Variants in MAP2K5 observed in about 807,000 individuals in gnomAD.
MAP2K5 encodes the protein dual specificity mitogen-activated protein kinase kinase 5.
MAP2K5 carries 49 observed loss-of-function variants against 83.1 expected under a neutral mutation model. The ratio of observed to expected loss-of-function variants is 0.59; its 90% CI spans 0.47 to 0.75. The LOEUF is 0.75. Ranked by LOEUF, MAP2K5 falls within the 30% of genes least tolerant of loss-of-function variation. MAP2K5 has a pLI of 0.00. For missense variants in MAP2K5, 457 were observed against 557.5 expected, an observed-to-expected ratio of 0.82 and a Z score of 1.82; for synonymous variants, 202 against 191.8, an observed-to-expected ratio of 1.05 and a Z score of -0.44.
intron 2 of MAP2K5, among the ~76,000 whole-genome samples, chr15:67,560,916 T>G (rs2084722541): frequency 6.6e-6 from 1 of 152,184 alleles, no homozygotes; most frequent in Non-Finnish European, 1.5e-5. Flanking sequence ...CCCCCCCTTT[T>G]TTTAAATAAA....
rs928124233 is a variant in MAP2K5, at chr15:67,722,440, G to A, written c.1045-5476G>A. Reference sequence around the variant, plus strand: ...GACGCTTTGTGTTTCTGTGTTCTTTGTTGTCAGTTTAACCTCCAAAGCACT... The same window carrying A: ...GACGCTTTGTGTTTCTGTGTTCTTTATTGTCAGTTTAACCTCCAAAGCACT... On this transcript the variant is annotated intron_variant, in intron 16 of 21. Transcript: ENST00000178640. The surrounding 1 kb of genome is among the most constrained non-coding windows in gnomAD (Gnocchi z 4.2). Among the ~76,000 whole-genome samples the A allele has an allele frequency of 1.4e-5, 2 of 147,800 alleles. No homozygotes were observed. The highest frequency in any genetic ancestry group is 5.0e-5 in the African/African-American group (2 of 39,992).
rs2089680872 is a variant in MAP2K5 at position 67,749,818 on chromosome 15, A to G, written c.1134+1217A>G. Among the ~76,000 whole-genome samples the G allele has an allele frequency of 6.6e-6, 1 of 152,188 alleles. No homozygotes were observed. The highest frequency in any genetic ancestry group is 1.5e-5 in the Non-Finnish European group (1 of 68,024). On this transcript the variant is annotated intron_variant, in intron 19 of 21. Transcript: ENST00000178640. The surrounding 1 kb of genome is among the most constrained non-coding windows in gnomAD (Gnocchi z 4.6). ...TAGATTCCAAAAGCCTACTATCCCC[A>G]TCAGAATCCTCCCAATTTAACTGGT...
chr15:67,704,617 C>A (rs1241487229), intron 16 of MAP2K5, among the ~76,000 whole-genome samples: 1 of 152,170 alleles, frequency 6.6e-6, no homozygotes, highest in Non-Finnish European at 1.5e-5. Flanking sequence ...TCATATTCTT[C>A]TGCTTCTTCT....
At chr15:67,653,612 T>G (rs2087001764) in intron 11 of MAP2K5, among the ~76,000 whole-genome samples, 1 of 152,180 alleles carries the variant, frequency 6.6e-6, no homozygotes, top group Non-Finnish European at 1.5e-5. Flanking sequence ...AATTTTTTCA[T>G]TTAAAATGAA....
chr15:67,797,050 C>T (rs868114367), intron 21 of MAP2K5, among the ~76,000 whole-genome samples: 1 of 152,204 alleles, frequency 6.6e-6, no homozygotes, highest in African/African-American at 2.4e-5. Flanking sequence ...CTGCTAAAAT[C>T]AGAACTCTTA....
chr15:67,676,333 T>C lies in MAP2K5; in HGVS notation c.847+11688T>C, dbSNP rs1434167226. Among the ~76,000 whole-genome samples the C allele has an allele frequency of 6.6e-6, 1 of 152,222 alleles. No homozygotes were observed. Among genetic ancestry groups the C allele is most frequent in the Non-Finnish European group, 1.5e-5 (1 of 68,040 alleles). On this transcript the variant is annotated intron_variant, in intron 13 of 21. Coordinates refer to ENST00000178640, the MANE Select transcript of MAP2K5 (RefSeq NM_145160.3). The surrounding 1 kb of genome is among the most constrained non-coding windows in gnomAD (Gnocchi z 4.8). ...GTTGGATGAATACATTGAATCATAA[T>C]TTTCTGAGGGCAGTGTTTTTCTCCT...
rs748041362 is a variant in MAP2K5 at position 67,563,339 on chromosome 15, A to G, written c.241A>G (p.Met81Val). Reference sequence around the variant, plus strand: ...GAGAAGTGATGAGGAAATGAAGGCAATGCTGTCATATGTAAGTATACGACA... The same window carrying G: ...GAGAAGTGATGAGGAAATGAAGGCAGTGCTGTCATATGTAAGTATACGACA... ...TVRSDEEMKA[M>V]LSYYYSTVME... The change falls in exon 3 of 22, where the codon ATG becomes GTG. Residue 81 changes from methionine to valine, a missense_variant. Physicochemically the swap from Met to Val is conservative, Grantham distance 21 (BLOSUM62 1). Transcript: ENST00000178640. The surrounding 1 kb of genome is among the most constrained non-coding windows in gnomAD (Gnocchi z 4.5). 2.5e-6 allele frequency: 4 copies of G among 1,610,884 alleles called. No individual in the cohort carries two copies. The highest frequency in any genetic ancestry group is 1.7e-5 in the Admixed American group (1 of 59,346).
At chr15:67,658,750 G>A (rs1596738610) in intron 12 of MAP2K5, 136 bp downstream of exon 12, 1 of 743,478 alleles carries the variant, frequency 1.3e-6, no homozygotes. Context: ...ATTTTCTCCT[G>A]TTTTGTTCTT....
chr15:67,679,880 TAGTAAGTTTATAA>T (rs1036836453), intron 13 of MAP2K5: 1 of 152,216 alleles, frequency 6.6e-6, no homozygotes, highest in Non-Finnish European at 1.5e-5. Flanking sequence ...CAGTGATTTT[TAGTAAGTTTATAA>T]AGTTGTGCAA....
intron 17 of MAP2K5, among the ~76,000 whole-genome samples, chr15:67,731,944 T>C (rs2089232771): frequency 6.6e-6 from 1 of 152,152 alleles, no homozygotes; most frequent in Non-Finnish European, 1.5e-5. Flanking sequence ...GACAAGACCA[T>C]TCCCCAGATC....
Position 67,708,576 on chromosome 15 carries a change from G to T in MAP2K5, c.1044+5168G>T, listed in dbSNP as rs1467377126. Among the ~76,000 whole-genome samples, 1 of 151,964 alleles carries T rather than the reference G, an allele frequency of 6.6e-6. No individual in the cohort carries two copies. The highest frequency in any genetic ancestry group is 1.9e-4 in the East Asian group (1 of 5,182). On this transcript the variant is annotated intron_variant, in intron 16 of 21. Transcript: ENST00000178640. This position sits in a 1 kb window ranked among gnomAD's most constrained non-coding sequence, Gnocchi z 4.9. Reference sequence around the variant, plus strand: ...ATTCCTGGGGTCAAGTGATCCTCCTGCCTCAGCCTCTTGAGTAGCTAGGAC... The same window carrying T: ...ATTCCTGGGGTCAAGTGATCCTCCTTCCTCAGCCTCTTGAGTAGCTAGGAC...
intron 13 of MAP2K5, among the ~76,000 whole-genome samples, chr15:67,671,118 G>A (rs1216723690): frequency 6.6e-6 from 1 of 152,188 alleles, no homozygotes; most frequent in Non-Finnish European, 1.5e-5. Flanking sequence ...TGAAAGAGTA[G>A]CTGGATGATC....
At chr15:67,751,382 T>C (rs2089714882) in intron 19 of MAP2K5, among the ~76,000 whole-genome samples, 1 of 152,158 alleles carries the variant, frequency 6.6e-6, no homozygotes, top group Non-Finnish European at 1.5e-5. Flanking sequence ...CTTGAAGACA[T>C]CATCTGGTGC....
At chr15:67,612,282 A>AGTTTAAATC (rs1430017170) in intron 8 of MAP2K5, among the ~76,000 whole-genome samples, 1 of 152,108 alleles carries the variant, frequency 6.6e-6, no homozygotes, top group Non-Finnish European at 1.5e-5. Flanking sequence ...TTCTAAATGG[A>AGTTTAAATC]TTGGAGAATA....
At chr15:67,544,299 A>G (rs1325807559) in intron 1 of MAP2K5, among the ~76,000 whole-genome samples, 1 of 152,244 alleles carries the variant, frequency 6.6e-6, no homozygotes, top group Admixed American at 6.5e-5. Flanking sequence ...CCAGTTTCAG[A>G]GACGGTAAAA....
In MAP2K5 at chr15:67,747,457, A is replaced by G. The variant is rs2089628528; in HGVS notation, c.1075-774A>G. 6.6e-6 allele frequency among the ~76,000 whole-genome samples: 1 copy of G among 152,198 alleles called. No homozygotes were observed. The highest frequency in any genetic ancestry group is 1.5e-5 in the Non-Finnish European group (1 of 68,024). The stretch of plus-strand genomic sequence containing the variant: ...TGGATGGGGAGGCACTGAAGTGTTT[A>G]GTACTTTAATGACTAAGTGGATGTT... On this transcript the variant is annotated intron_variant, in intron 17 of 21. Coordinates refer to ENST00000178640, the MANE Select transcript of MAP2K5 (RefSeq NM_145160.3). The surrounding 1 kb of genome is among the most constrained non-coding windows in gnomAD (Gnocchi z 4.1).
At chr15:67,684,206 A>G (rs1319484821) in intron 13 of MAP2K5, among the ~76,000 whole-genome samples, 1 of 152,248 alleles carries the variant, frequency 6.6e-6, no homozygotes, top group Non-Finnish European at 1.5e-5. Flanking sequence ...ACTGTTTAGA[A>G]AAGAAAATTT....
intron 4 of MAP2K5, among the ~76,000 whole-genome samples, chr15:67,582,055 A>ATTTTTTTTTTTTTT: frequency 7.4e-6 from 1 of 134,866 alleles, no homozygotes; most frequent in Non-Finnish European, 1.6e-5. Flanking sequence ...GATGTAGATG[A>ATTTTTTTTTTTTTT]TTTCTTTTTT....
At chr15:67,641,290 GA>G (rs2086706001) in intron 9 of MAP2K5, among the ~76,000 whole-genome samples, 1 of 152,120 alleles carries the variant, frequency 6.6e-6, no homozygotes, top group Non-Finnish European at 1.5e-5. Context: ...TGGACCATTT[GA>G]TTAATCATTT....
Sources: allele counts gnomAD v4.1 joint callset (sites outside exome capture counted in the v4.1 genomes callset), GRCh38; gene constraint gnomAD v4.1.1; non-coding constraint Gnocchi (gnomAD v3.1); transcripts MANE v1.5; gene names NCBI Gene and HGNC (gene_info 2026-07-23, HGNC 2026-07-21).